TNK2: variants seen among roughly 807,000 people sequenced by gnomAD.
TNK2 encodes activated CDC42 kinase 1.
A neutral mutation model predicts 101.8 loss-of-function variants in TNK2; 83 were observed. That is an observed-to-expected ratio of 0.82 (90% CI 0.68 to 0.98). The LOEUF is 0.98. Ranked by LOEUF, TNK2 falls within the 50% of genes least tolerant of loss-of-function variation. TNK2 has a pLI of 0.00. For synonymous variants in TNK2, 804 were observed against 633.0 expected (o/e 1.27, Z -4.06); for missense variants, 1,665 against 1,483.2 (o/e 1.12, Z -2.01).
chr3:195,888,716 C>G lies in TNK2; in HGVS notation c.-18-110G>C. ...CACTACACGGCCACCCGGAAGGGCTCACACCACCTTCTGACTCCCGAGGGA... is the reference window on the plus strand; with the variant it reads ...CACTACACGGCCACCCGGAAGGGCTGACACCACCTTCTGACTCCCGAGGGA... On this transcript the variant is annotated intron_variant, in intron 1 of 15. Transcript: ENST00000672887. The surrounding 1 kb of genome is among the most constrained non-coding windows in gnomAD (Gnocchi z 5.3). 8 of 1,044,136 alleles carry G rather than the reference C, an allele frequency of 7.7e-6. No homozygotes were observed. The highest frequency in any genetic ancestry group is 1.1e-5 in the Non-Finnish European group (8 of 741,660). 64.7% of individuals were successfully genotyped at this position (1,044,136 alleles called of 1,614,324 possible).
chr3:195,900,458 C>G (rs537857816), intron 1 of TNK2, among the ~76,000 whole-genome samples: 2 of 152,326 alleles, frequency 1.3e-5, no homozygotes, highest in East Asian at 3.9e-4. Flanking sequence ...GTGGGGCTGA[C>G]ACGTGGAGAC....
Position 195,868,476 on chromosome 3 carries a change from C to T in TNK2, c.1822G>A (p.Ala608Thr). The T allele has an allele frequency of 6.5e-7, 1 of 1,549,828 alleles. No individual in the cohort carries two copies. The highest frequency in any genetic ancestry group is 1.2e-5 in the South Asian group (1 of 85,274). Residue 608 changes from alanine to threonine, a missense_variant, in exon 13 of 16, where the codon GCC becomes ACC. By Grantham distance (58) the Ala-to-Thr change is moderately conservative. Coordinates refer to ENST00000672887, the MANE Select transcript of TNK2 (RefSeq NM_001382273.1). Reference sequence around the variant, plus strand: ...TCCAGCAGGGAGCAGGCGTCCATGGCCAGCTGCGCCAGGGAGGGCGCGCAG... The same window carrying T: ...TCCAGCAGGGAGCAGGCGTCCATGGTCAGCTGCGCCAGGGAGGGCGCGCAG... The part of the protein sequence containing the change: ...RPCAPSLAQL[A>T]MDACSLLDET...
At chr3:195,865,921 A>C (rs1032794929) in intron 15 of TNK2, among the ~76,000 whole-genome samples, 1 of 152,210 alleles carries the variant, frequency 6.6e-6, no homozygotes, top group African/African-American at 2.4e-5. Flanking sequence ...TATGTGGAGA[A>C]ACTCCGCACC....
At chr3:195,881,415 C>T (rs1270259156) in intron 6 of TNK2, among the ~76,000 whole-genome samples, 1 of 56,954 alleles carries the variant, frequency 1.8e-5, no homozygotes. Flanking sequence ...GAGGACACAG[C>T]ATCTATCCCT....
chr3:195,880,536 G>A (rs2620626), intron 6 of TNK2, among the ~76,000 whole-genome samples: 1 of 48,518 alleles, frequency 2.1e-5, no homozygotes, highest in Admixed American at 2.5e-4. Flanking sequence ...ATGCCCCTTG[G>A]AGAGGACACA....
intron 9 of TNK2, 46 bp from the exon 10 acceptor site, chr3:195,872,516 G>T: frequency 6.5e-7 from 1 of 1,538,994 alleles, no homozygotes; most frequent in Non-Finnish European, 8.8e-7. Context: ...TGGCGGGGCA[G>T]CCCCGGCACT....
chr3:195,864,168 C>T lies in TNK2; in HGVS notation c.*13G>A. 6.2e-7 allele frequency: 1 copy of T among 1,614,030 alleles called. No homozygotes were observed. The highest frequency in any genetic ancestry group is 8.5e-7 in the Non-Finnish European group (1 of 1,179,926). Reference sequence around the variant, plus strand: ...ATTCCTTCAGGCAGGCCCTCTGGCTCTCCAGACGCATCTCAGCGCCTAGAG... The same window carrying T: ...ATTCCTTCAGGCAGGCCCTCTGGCTTTCCAGACGCATCTCAGCGCCTAGAG... On this transcript the variant is annotated 3_prime_UTR_variant, in exon 16 of 16. Transcript: ENST00000672887.
chr3:195,870,356 G>C, intron 10 of TNK2, 151 bp from the exon 11 acceptor site: 2 of 1,499,180 alleles, frequency 1.3e-6, no homozygotes, highest in Non-Finnish European at 8.9e-7. Flanking sequence ...GAACCTGACC[G>C]CACGTCTCAG....
At chr3:195,881,637 C>A (rs1270152428) in intron 6 of TNK2, among the ~76,000 whole-genome samples, 2 of 30,872 alleles carry the variant, frequency 6.5e-5, no homozygotes, top group African/African-American at 6.2e-4. Flanking sequence ...CTTGTAACAC[C>A]CCCCCCCCAG....
intron 1 of TNK2, among the ~76,000 whole-genome samples, chr3:195,907,644 C>T (rs1461631144): frequency 6.6e-6 from 1 of 152,206 alleles, no homozygotes; most frequent in African/African-American, 2.4e-5. Context: ...GGCACTCAGG[C>T]CACGAGGGAG....
chr3:195,897,259 C>T (rs1760694551), intron 1 of TNK2, among the ~76,000 whole-genome samples: 5 of 152,234 alleles, frequency 3.3e-5, no homozygotes, highest in Non-Finnish European at 7.3e-5. Context: ...GGCAACCCTG[C>T]ACCTTCAGGT....
chr3:195,903,578 G>A (rs1051714426), intron 1 of TNK2, among the ~76,000 whole-genome samples: 16 of 152,070 alleles, frequency 1.1e-4, no homozygotes, highest in Admixed American at 3.3e-4. Flanking sequence ...TTAGCCGGGT[G>A]TGGTGGTGGG....
At chr3:195,904,492 A>C (rs1273723378) in intron 1 of TNK2, among the ~76,000 whole-genome samples, 2 of 152,186 alleles carry the variant, frequency 1.3e-5, no homozygotes, top group African/African-American at 4.8e-5. Flanking sequence ...CCAAATTCAT[A>C]GAGTCAGAAG....
At chr3:195,880,386 G>A (rs1751728521) in intron 6 of TNK2, among the ~76,000 whole-genome samples, 1 of 137,864 alleles carries the variant, frequency 7.3e-6, no homozygotes, top group Non-Finnish European at 1.6e-5. Context: ...CCTTGGAGAG[G>A]ACACAGCATC....
rs185748699 is a variant in TNK2 at position 195,868,914 on chromosome 3, C to T, written c.1589-205G>A. On this transcript the variant is annotated intron_variant, in intron 12 of 15. Coordinates refer to ENST00000672887, the MANE Select transcript of TNK2 (RefSeq NM_001382273.1). ...TCAGGAGGGCGGAACCTGCTCTGCC[C>T]GGCAGCCCCATGTGGGCCGGTGAGC... The T allele has an allele frequency of 4.2e-4, 253 of 596,896 alleles. 3 individuals are homozygous for T. In the East Asian group the frequency reaches 5.5e-3, roughly 13 times the overall value. The allele number at this position is 596,896 out of a possible 1,614,324, so 37.0% of individuals were successfully genotyped here.
intron 1 of TNK2, among the ~76,000 whole-genome samples, chr3:195,900,125 G>A (rs562595929): frequency 6.6e-4 from 100 of 152,280 alleles, no homozygotes; most frequent in African/African-American, 2.4e-3. Context: ...GGCAGAGGGA[G>A]AGCCTGACAT....
Position 195,884,957 on chromosome 3 carries a change from G to A in TNK2, c.311C>T (p.Ala104Val), listed in dbSNP as rs767024079. 3.1e-6 allele frequency: 5 copies of A among 1,613,768 alleles called. No homozygotes were observed. In the Admixed American group the frequency reaches 6.7e-5, roughly 22 times the overall value. The change falls in exon 4 of 16, where the codon GCC (alanine) becomes GTC (valine). Residue 104 changes from alanine (A) to valine (V), a missense_variant. Transcript: ENST00000672887. ...SQSTFRKTSPAPGGPAGEGPL... is the reference protein window; with the variant it reads ...SQSTFRKTSPVPGGPAGEGPL... ...CCCCTCCCCTGCTGGGCCCCCAGGG[G>A]CGGGCGAGGTCTTCCGGAAGGTGCT...
chr3:195,889,725 TAAAG>T (rs928054015), intron 1 of TNK2, among the ~76,000 whole-genome samples: 1 of 152,108 alleles, frequency 6.6e-6, no homozygotes, highest in Non-Finnish European at 1.5e-5. Flanking sequence ...TGGGCCCAGA[TAAAG>T]AAGCTGGTGG....
In TNK2 at chr3:195,872,396, G is replaced by A. The variant is rs750250778; in HGVS notation, c.1331C>T (p.Thr444Ile). 1.9e-6 allele frequency: 3 copies of A among 1,613,346 alleles called. No individual in the cohort carries two copies. The highest frequency in any genetic ancestry group is 1.1e-5 in the South Asian group (1 of 91,066). Reference protein sequence around the residue: ...CVGPFPRNVVTSVAGLSAQDI... With the variant: ...CVGPFPRNVVISVAGLSAQDI... Reference sequence around the variant, plus strand: ...CTGGGCCGACAGGCCGGCCACGGAGGTCACCACGTTGCGAGGGAAGGGCCC... The same window carrying A: ...CTGGGCCGACAGGCCGGCCACGGAGATCACCACGTTGCGAGGGAAGGGCCC... The change falls in exon 10 of 16, where the codon ACC becomes ATC. Residue 444 changes from threonine (T) to isoleucine (I), a missense_variant. Transcript: ENST00000672887.
Sources: gnomAD v4.1 joint callset for allele counts (sites outside exome capture counted in the v4.1 genomes callset) on GRCh38, gnomAD v4.1.1 for gene constraint, Gnocchi (gnomAD v3.1) non-coding constraint, MANE v1.5 for transcripts, NCBI Gene and HGNC (gene_info 2026-07-23, HGNC 2026-07-21) for gene names.